Variants in HRH1 observed in about 807,000 individuals in gnomAD.
The protein encoded by HRH1 is histamine H1 receptor.
A neutral mutation model predicts 10.3 loss-of-function variants in HRH1; 6 were observed. That is an observed-to-expected ratio of 0.58 (90% confidence interval 0.32 to 1.15). The LOEUF is 1.15. HRH1 is among the 50% of genes most tolerant of loss of function. The pLI is 0.05. For missense variants in HRH1, 514 were observed against 615.3 expected (o/e 0.84, Z 1.74); for synonymous variants, 242 against 236.7 (o/e 1.02, Z -0.21).
intron 1 of HRH1, among the ~76,000 whole-genome samples, chr3:11,244,185 A>G (rs987771484): frequency 5.9e-5 from 9 of 152,166 alleles, no homozygotes; most frequent in Non-Finnish European, 1.3e-4. Context: ...CTTAAGCACT[A>G]CTCATCATAT....
chr3:11,250,486 C>T (rs528751519), intron 1 of HRH1, among the ~76,000 whole-genome samples: 2 of 152,206 alleles, frequency 1.3e-5, no homozygotes, highest in East Asian at 3.9e-4. Flanking sequence ...AGGTATGGTC[C>T]TTCCCAAGTG....
intron 1 of HRH1, among the ~76,000 whole-genome samples, chr3:11,189,979 G>A (rs921260458): frequency 6.6e-6 from 1 of 151,980 alleles, no homozygotes; most frequent in East Asian, 1.9e-4. Flanking sequence ...CTAAAAGAGC[G>A]AGTGTGGTAA....
At chr3:11,253,215 A>G (rs567626486) in intron 1 of HRH1, 4 of 152,180 alleles carry the variant, frequency 2.6e-5, no homozygotes, top group Non-Finnish European at 5.9e-5. Context: ...ACTCGATTAA[A>G]AAGGTAATAA....
At chr3:11,224,639 G>A (rs1938822593) in intron 1 of HRH1, among the ~76,000 whole-genome samples, 2 of 151,774 alleles carry the variant, frequency 1.3e-5, no homozygotes, top group African/African-American at 2.4e-5. Context: ...GGCGGAGCTT[G>A]CAGCGAGCCG....
chr3:11,227,577 C>T (rs34723067), intron 1 of HRH1, among the ~76,000 whole-genome samples: 2,013 of 152,256 alleles, frequency 0.013, 19 homozygotes, highest in Middle Eastern at 0.044. Flanking sequence ...TGAGCCACCA[C>T]GCCCGGCCTT....
intron 1 of HRH1, among the ~76,000 whole-genome samples, chr3:11,137,988 GA>G (rs1420029105): frequency 6.6e-6 from 1 of 151,962 alleles, no homozygotes; most frequent in Non-Finnish European, 1.5e-5. Context: ...TAGTACACCT[GA>G]TACAGGTGTA....
rs761898889 is a variant in HRH1 at position 11,260,402 on chromosome 3, G to C, written c.1365G>C (p.Trp455Cys). 1.9e-6 allele frequency: 3 copies of C among 1,614,136 alleles called. No individual in the cohort carries two copies. Among genetic ancestry groups the C allele is most frequent in the Non-Finnish European group, 2.5e-6 (3 of 1,180,024 alleles). The change falls in exon 2 of 2, where the codon TGG becomes TGC. Residue 455 changes from tryptophan (W) to cysteine (C), a missense_variant. Physicochemically the swap from Trp to Cys is radical, Grantham distance 215. Coordinates refer to ENST00000431010, the MANE Select transcript of HRH1 (RefSeq NM_001098212.2). ...AACATTTGCACATGTTCACCATCTG[G>C]CTGGGCTACATCAACTCCACACTGA... ...CNEHLHMFTIWLGYINSTLNP... is the reference protein window; with the variant it reads ...CNEHLHMFTICLGYINSTLNP...
chr3:11,212,272 A>C (rs1324312427), intron 1 of HRH1, among the ~76,000 whole-genome samples: 1 of 152,222 alleles, frequency 6.6e-6, no homozygotes, highest in Non-Finnish European at 1.5e-5. Context: ...AAAAGAAAAG[A>C]AAAAGCTTTA....
At chr3:11,189,912 T>C (rs1454625088) in intron 1 of HRH1, among the ~76,000 whole-genome samples, 2 of 152,074 alleles carry the variant, frequency 1.3e-5, no homozygotes, top group Non-Finnish European at 2.9e-5. Flanking sequence ...ATCATGCCGC[T>C]GCACTCCAGC....
At chr3:11,250,864 CG>C (rs1371977305) in intron 1 of HRH1, among the ~76,000 whole-genome samples, 3 of 152,126 alleles carry the variant, frequency 2.0e-5, no homozygotes, top group Non-Finnish European at 2.9e-5. Context: ...GGTTTTTCTG[CG>C]CACTCTGAAA....
chr3:11,160,887 G>A (rs950451817), intron 1 of HRH1, among the ~76,000 whole-genome samples: 10 of 152,226 alleles, frequency 6.6e-5, no homozygotes, highest in African/African-American at 2.4e-4. Flanking sequence ...ATTGAGAAAG[G>A]TTTTGATAAA....
intron 1 of HRH1, among the ~76,000 whole-genome samples, chr3:11,249,099 T>G (rs1293130712): frequency 1.2e-4 from 19 of 152,104 alleles, no homozygotes; most frequent in Non-Finnish European, 2.9e-5. Flanking sequence ...AAAGGTTTGG[T>G]TAGAAGAGGG....
intron 1 of HRH1, among the ~76,000 whole-genome samples, chr3:11,144,207 C>T (rs1305245380): frequency 6.6e-6 from 1 of 151,858 alleles, no homozygotes; most frequent in Non-Finnish European, 1.5e-5. Flanking sequence ...TGAGTATCTA[C>T]TCAGAGGAAA....
At chr3:11,229,300 A>C (rs192263542) in intron 1 of HRH1, among the ~76,000 whole-genome samples, 31 of 151,908 alleles carry the variant, frequency 2.0e-4, no homozygotes, top group Non-Finnish European at 2.9e-4. Context: ...TAGAGCCCCC[A>C]AAAACTGAAA....
intron 1 of HRH1, among the ~76,000 whole-genome samples, chr3:11,190,378 T>C (rs1937515927): frequency 6.8e-6 from 1 of 147,542 alleles, no homozygotes; most frequent in African/African-American, 2.5e-5. Context: ...TTTTAATTAA[T>C]TAATTTATTT....
At chr3:11,228,935 A>G (rs999954831) in intron 1 of HRH1, among the ~76,000 whole-genome samples, 1 of 151,038 alleles carries the variant, frequency 6.6e-6, no homozygotes, top group Non-Finnish European at 1.5e-5. Context: ...AAAAGAATAT[A>G]GTGGTAAATG....
chr3:11,139,635 C>A (rs1032222706), intron 1 of HRH1, among the ~76,000 whole-genome samples: 1 of 151,962 alleles, frequency 6.6e-6, no homozygotes, highest in Non-Finnish European at 1.5e-5. Context: ...TGAAGGGATA[C>A]ACAAATTGTG....
At chr3:11,193,446 CGACAGAAAT>C (rs1049821127) in intron 1 of HRH1, among the ~76,000 whole-genome samples, 1 of 152,160 alleles carries the variant, frequency 6.6e-6, no homozygotes, top group African/African-American at 2.4e-5. Flanking sequence ...GGCTTATAAA[CGACAGAAAT>C]TTATTTCTCA....
intron 1 of HRH1, among the ~76,000 whole-genome samples, chr3:11,179,587 T>G (rs1937313285): frequency 6.7e-6 from 1 of 148,420 alleles, no homozygotes; most frequent in African/African-American, 2.5e-5. Context: ...GCCACTGCAC[T>G]CCAGCCTGGG....
Sources: gnomAD v4.1 joint callset for allele counts (sites outside exome capture counted in the v4.1 genomes callset) on GRCh38, gnomAD v4.1.1 for gene constraint, MANE v1.5 for transcripts, NCBI Gene and HGNC (gene_info 2026-07-23, HGNC 2026-07-21) for gene names.